The following OSBPL3 variants were observed in gnomAD, a reference collection of about 807,000 sequenced individuals.
The protein encoded by OSBPL3 is oxysterol binding protein like 3.
OSBPL3 carries 65 observed loss-of-function variants against 120.1 expected under a neutral mutation model. The observed-to-expected ratio is 0.54, with a 90% CI of 0.44 to 0.67. The LOEUF (loss-of-function observed/expected upper bound fraction) is 0.67. OSBPL3 is among the 30% of genes least tolerant of loss of function. The pLI, the probability that OSBPL3 is intolerant of heterozygous loss-of-function variation, is 0.00. For synonymous variants in OSBPL3, 416 were observed against 402.6 expected (o/e 1.03, Z -0.40); for missense variants, 1,004 against 1,082.1 (o/e 0.93, Z 1.01).
Position 24,822,617 on chromosome 7 carries a change from C to A in OSBPL3, c.1885-2379G>T, listed in dbSNP as rs1250317041. ...TATTCATCCCACAAAAACAATGTAG[C>A]AATGTGGGAGAGGAGCACTATAGCT... On this transcript the variant is annotated intron_variant, in intron 16 of 22. Coordinates refer to ENST00000313367, the MANE Select transcript of OSBPL3 (RefSeq NM_015550.4). This position sits in a 1 kb window ranked among gnomAD's most constrained non-coding sequence, Gnocchi z 5.8. 2.0e-5 allele frequency among the ~76,000 whole-genome samples: 3 copies of A among 152,158 alleles called. No homozygotes were observed. Among genetic ancestry groups the A allele is most frequent in the African/African-American group, 7.2e-5 (3 of 41,444 alleles).
intron 17 of OSBPL3, among the ~76,000 whole-genome samples, chr7:24,816,971 T>C (rs1794552367): frequency 6.6e-6 from 1 of 152,094 alleles, no homozygotes; most frequent in Non-Finnish European, 1.5e-5. Context: ...ACTGAGTGTG[T>C]TATAAGGTAA....
chr7:24,910,454 A>C (rs1347350287), intron 1 of OSBPL3, among the ~76,000 whole-genome samples: 2 of 152,224 alleles, frequency 1.3e-5, no homozygotes, highest in African/African-American at 4.8e-5. Flanking sequence ...CTTATGAATA[A>C]ATGTGGGCTA....
At chr7:24,892,871 A>G (rs1273825446) in intron 1 of OSBPL3, among the ~76,000 whole-genome samples, 3 of 152,234 alleles carry the variant, frequency 2.0e-5, no homozygotes, top group Non-Finnish European at 4.4e-5. Context: ...GTCCAGACAC[A>G]TACAAAATCA....
intron 2 of OSBPL3, among the ~76,000 whole-genome samples, chr7:24,885,166 G>A (rs978545787): frequency 1.2e-4 from 18 of 149,796 alleles, no homozygotes; most frequent in Admixed American, 1.2e-3. Context: ...AGGTTGCAGT[G>A]AGCCAAGATT....
intron 14 of OSBPL3, among the ~76,000 whole-genome samples, chr7:24,838,451 G>C (rs913293819): frequency 1.3e-5 from 2 of 152,096 alleles, no homozygotes; most frequent in Non-Finnish European, 2.9e-5. Context: ...AACCGAGATC[G>C]CACCACTGCA....
chr7:24,861,630 C>T lies in OSBPL3; in HGVS notation c.1010G>A (p.Cys337Tyr). ...TCATTTACCTTTATGGGCAATATGA[C>T]ACAGATCTTCTTGCATTTTAGAAAA... ...SEFSKMQEDLCHIAHKVYFTL... is the reference protein window; with the variant it reads ...SEFSKMQEDLYHIAHKVYFTL... Residue 337 changes from cysteine (C) to tyrosine (Y), a missense_variant, in exon 10 of 23, where the codon TGT becomes TAT. Around this residue, in one of 4 missense-constraint regions of OSBPL3, gnomAD observed 272 missense variants for 248.8 expected, o/e 1.09. Coordinates refer to ENST00000313367, the MANE Select transcript of OSBPL3 (RefSeq NM_015550.4). The T allele has an allele frequency of 6.2e-7, 1 of 1,601,192 alleles. No homozygotes were observed. Among genetic ancestry groups the T allele is most frequent in the East Asian group, 2.2e-5 (1 of 44,648 alleles).
intron 19 of OSBPL3, 84 bp from the exon 20 acceptor site, chr7:24,810,035 G>C: frequency 6.7e-7 from 1 of 1,493,032 alleles, no homozygotes; most frequent in East Asian, 2.3e-5. Context: ...AAAAGCTAGA[G>C]AAAGGACTGT....
Position 24,900,606 on chromosome 7 carries a change from C to T in OSBPL3, c.-149-7985G>A, listed in dbSNP as rs1584552326. Among the ~76,000 whole-genome samples the T allele has an allele frequency of 6.6e-6, 1 of 152,278 alleles. No homozygotes were observed. Among genetic ancestry groups the T allele is most frequent in the African/African-American group, 2.4e-5 (1 of 41,574 alleles). ...TGGCAAGTACCAGACACATGTGCTT[C>T]CAGTCTCCACTCCCAAGCTTTGTCA... On this transcript the variant is annotated intron_variant, in intron 1 of 22. Coordinates refer to ENST00000313367, the MANE Select transcript of OSBPL3 (RefSeq NM_015550.4). This position sits in a 1 kb window ranked among gnomAD's most constrained non-coding sequence, Gnocchi z 4.5.
intron 1 of OSBPL3, among the ~76,000 whole-genome samples, chr7:24,970,994 GT>G (rs1816952996): frequency 6.6e-6 from 1 of 152,226 alleles, no homozygotes; most frequent in South Asian, 2.1e-4. Context: ...GTGTCCAAAA[GT>G]CTCATGGACA....
At chr7:24,828,336 C>T (rs945724754) in intron 16 of OSBPL3, among the ~76,000 whole-genome samples, 22 of 152,198 alleles carry the variant, frequency 1.4e-4, no homozygotes, top group African/African-American at 4.8e-4. Flanking sequence ...GTAGGCCAGG[C>T]GTGGTGGTTC....
chr7:24,975,996 G>C lies in OSBPL3; in HGVS notation c.-150+3890C>G, dbSNP rs547363873. ...AGCTCACAGGGGTGGGGAATGATAG[G>C]ATGAGGCCAAAGCTGAGCCCAGTCT... On this transcript the variant is annotated intron_variant, in intron 1 of 22. Transcript: ENST00000313367. Among the ~76,000 whole-genome samples the C allele has an allele frequency of 4.6e-5, 7 of 152,310 alleles. No individual in the cohort carries two copies. The East Asian group carries it at 1.3e-3, about 29-fold the overall frequency.
At chr7:24,929,604 T>A (rs1584653676) in intron 1 of OSBPL3, among the ~76,000 whole-genome samples, 2 of 113,198 alleles carry the variant, frequency 1.8e-5, no homozygotes, top group African/African-American at 7.7e-5. Context: ...AATACCACAC[T>A]TTTTTTTTAA....
chr7:24,864,349 C>T (rs919726546), intron 7 of OSBPL3, among the ~76,000 whole-genome samples: 4 of 152,192 alleles, frequency 2.6e-5, no homozygotes, highest in Admixed American at 2.0e-4. Context: ...CTTGTTAAAC[C>T]ACAGCTCGTT....
rs776524341 is a variant in OSBPL3 at position 24,834,687 on chromosome 7, G to GCACGTTCTTCTC, written c.1533_1544dup (p.Thr514_Cys515insTrpArgArgThr). Reference sequence around the variant, plus strand: ...TGCTGCTCGGGCAGGGCGCCGGCAGGCACGTTCTTCTCCGGGACTTCGCTT... The same window carrying GCACGTTCTTCTC: ...TGCTGCTCGGGCAGGGCGCCGGCAGGCACGTTCTTCTCCACGTTCTTCTCCGGGACTTCGCTT... On this transcript the variant is annotated inframe_insertion, in exon 15 of 23. Coordinates refer to ENST00000313367, the MANE Select transcript of OSBPL3 (RefSeq NM_015550.4). This position sits in a 1 kb window ranked among gnomAD's most constrained non-coding sequence, Gnocchi z 5.2. The GCACGTTCTTCTC allele has an allele frequency of 6.2e-7, 1 of 1,613,928 alleles. No individual in the cohort carries two copies. The highest frequency in any genetic ancestry group is 8.5e-7 in the Non-Finnish European group (1 of 1,179,922).
At position 24,797,479 on chromosome 7, in the gene OSBPL3, A is replaced by G. The variant is rs956220414; in HGVS notation, c.*2704T>C. 6.6e-5 allele frequency: 10 copies of G among 152,128 alleles called. No homozygotes were observed. The highest frequency in any genetic ancestry group is 5.9e-4 in the Admixed American group (9 of 15,268). The allele number at this position is 152,128 out of a possible 1,614,324, so 9.4% of individuals were successfully genotyped here. On this transcript the variant is annotated 3_prime_UTR_variant, in exon 23 of 23. Coordinates refer to ENST00000313367, the MANE Select transcript of OSBPL3 (RefSeq NM_015550.4). The surrounding 1 kb of genome is among the most constrained non-coding windows in gnomAD (Gnocchi z 4.8). ...GAGAGGAACTACATGGAGAAGCTGCATTGAGGCTTTTATTATTAATACCTA... is the reference window on the plus strand; with the variant it reads ...GAGAGGAACTACATGGAGAAGCTGCGTTGAGGCTTTTATTATTAATACCTA...
intron 1 of OSBPL3, among the ~76,000 whole-genome samples, chr7:24,950,922 C>G (rs1814350437): frequency 6.6e-6 from 1 of 151,764 alleles, no homozygotes; most frequent in Non-Finnish European, 1.5e-5. Context: ...TCAGAGGAGA[C>G]TGAACTTGAG....
At chr7:24,905,194 A>AT (rs763211938) in intron 1 of OSBPL3, among the ~76,000 whole-genome samples, 13 of 152,020 alleles carry the variant, frequency 8.6e-5, no homozygotes, top group Admixed American at 2.0e-4. Context: ...GGTCAAGAGG[A>AT]TTGCTCCAAT....
intron 10 of OSBPL3, among the ~76,000 whole-genome samples, chr7:24,856,138 T>A (rs981269011): frequency 1.1e-4 from 16 of 152,236 alleles, no homozygotes; most frequent in Admixed American, 3.3e-4. Context: ...CTGCGATGAT[T>A]CATCTCTTTC....
intron 1 of OSBPL3, among the ~76,000 whole-genome samples, chr7:24,957,749 G>A (rs904285298): frequency 1.3e-5 from 2 of 152,102 alleles, no homozygotes. Context: ...AGGGCACTCA[G>A]ATGAATTCAA....
Sources: allele counts gnomAD v4.1 joint callset (sites outside exome capture counted in the v4.1 genomes callset), GRCh38; gene constraint gnomAD v4.1.1; regional missense constraint gnomAD v4.1.1; non-coding constraint Gnocchi (gnomAD v3.1); transcripts MANE v1.5; gene names NCBI Gene and HGNC (gene_info 2026-07-23, HGNC 2026-07-21).